SGSM2: variants seen among roughly 807,000 people sequenced by gnomAD.
The protein encoded by SGSM2 is RUN and TBC1 domain containing 1.
SGSM2 carries 89 observed loss-of-function variants against 126.6 expected under a neutral mutation model. The ratio of observed to expected loss-of-function variants is 0.70; its 90% CI spans 0.59 to 0.84. The LOEUF is 0.84. Ranked by LOEUF, SGSM2 falls within the 40% of genes least tolerant of loss-of-function variation. SGSM2 has a pLI of 0.00. For missense variants in SGSM2, 1,404 were observed against 1,416.6 expected (o/e 0.99, Z 0.14); for synonymous variants, 614 against 574.3 (o/e 1.07, Z -0.99).
At chr17:2,343,307 A>G (rs1346554372) in intron 1 of SGSM2, among the ~76,000 whole-genome samples, 2 of 152,118 alleles carry the variant, frequency 1.3e-5, no homozygotes, top group Non-Finnish European at 2.9e-5. Flanking sequence ...CTGGGCTGGA[A>G]CATGCACTGA....
chr17:2,347,043 T>G (rs2064627360), intron 2 of SGSM2, among the ~76,000 whole-genome samples: 1 of 152,122 alleles, frequency 6.6e-6, no homozygotes, highest in Non-Finnish European at 1.5e-5. Flanking sequence ...GAGCTATGAT[T>G]GCACCACTGC....
At chr17:2,338,738 A>G (rs35358644) in intron 1 of SGSM2, among the ~76,000 whole-genome samples, 195 of 144,550 alleles carry the variant, frequency 1.3e-3, no homozygotes, top group Middle Eastern at 3.5e-3. Context: ...TCTGGACCTA[A>G]TTCTGTGTGA....
intron 11 of SGSM2, among the ~76,000 whole-genome samples, chr17:2,365,558 A>C (rs2065529111): frequency 6.6e-6 from 1 of 152,026 alleles, no homozygotes; most frequent in African/African-American, 2.4e-5. Flanking sequence ...CCACTTCTCC[A>C]CGCCAGGACT....
chr17:2,357,744 C>A (rs2065140188), intron 2 of SGSM2, among the ~76,000 whole-genome samples: 1 of 152,174 alleles, frequency 6.6e-6, no homozygotes, highest in East Asian at 1.9e-4. Context: ...GTGATCCGCC[C>A]ACCTCGCCTC....
At chr17:2,353,246 C>T (rs1331276409) in intron 2 of SGSM2, among the ~76,000 whole-genome samples, 1 of 151,968 alleles carries the variant, frequency 6.6e-6, no homozygotes, top group African/African-American at 2.4e-5. Flanking sequence ...GGAAACCAAA[C>T]GATTCCACAG....
rs1010501709 is a variant in SGSM2 at position 2,362,893 on chromosome 17, G to A, written c.514G>A (p.Ala172Thr). Residue 172 changes from alanine to threonine, a missense_variant, in exon 5 of 24, where the codon GCC (alanine) becomes ACC (threonine). Coordinates refer to ENST00000268989, the MANE Select transcript of SGSM2 (RefSeq NM_014853.3). This position sits in a 1 kb window ranked among gnomAD's most constrained non-coding sequence, Gnocchi z 4.9. ...AGACCCTGTGTTCGGCCCGATCCTG[G>A]CCTCTCTTCTAGGTGAGCCTGAGAG... ...LADPVFGPIL[A>T]SLLVGPCALE... 2 of 1,614,072 alleles carry A rather than the reference G, an allele frequency of 1.2e-6. No homozygotes were observed. Among genetic ancestry groups the A allele is most frequent in the African/African-American group, 1.3e-5 (1 of 74,950 alleles).
rs144055505 is a variant in SGSM2 at position 2,362,114 on chromosome 17, C to T, written c.302C>T (p.Pro101Leu). The T allele has an allele frequency of 4.0e-5, 65 of 1,611,802 alleles. No homozygotes were observed. In the African/African-American group the frequency reaches 6.8e-4, roughly 17 times the overall value. Residue 101 changes from proline to leucine, a missense_variant, in exon 4 of 24, where the codon CCC becomes CTC. By Grantham distance (98) the Pro-to-Leu change is moderately conservative. Coordinates refer to ENST00000268989, the MANE Select transcript of SGSM2 (RefSeq NM_014853.3). This position sits in a 1 kb window ranked among gnomAD's most constrained non-coding sequence, Gnocchi z 4.9. ...AGCCCTCCCCGCCTTTGCAGGAAAC[C>T]CTCAGGGGTCAGCCAGGAGGCCCTG... The part of the protein sequence containing the change: ...ELQQQAEGRK[P>L]SGVSQEALRR...
chr17:2,376,356 C>G, intron 19 of SGSM2, 95 bp downstream of exon 19: 3 of 1,524,880 alleles, frequency 2.0e-6, no homozygotes, highest in Non-Finnish European at 2.7e-6. Context: ...CTCCTCTCTC[C>G]TGCTCCTGAA....
Position 2,363,331 on chromosome 17 carries a change from G to A in SGSM2, c.673-134G>A. The stretch of plus-strand genomic sequence containing the variant: ...GCTGGTCCGTGGCTGGAGAGCAGAG[G>A]GTGGCTGGGAGTAAACCGGGGCAGG... On this transcript the variant is annotated intron_variant, in intron 6 of 23. Coordinates refer to ENST00000268989, the MANE Select transcript of SGSM2 (RefSeq NM_014853.3). The surrounding 1 kb of genome is among the most constrained non-coding windows in gnomAD (Gnocchi z 4.2). 3 of 1,437,826 alleles carry A rather than the reference G, an allele frequency of 2.1e-6. No individual in the cohort carries two copies. The highest frequency in any genetic ancestry group is 1.9e-6 in the Non-Finnish European group (2 of 1,065,306). 89.1% of individuals were successfully genotyped at this position (1,437,826 alleles called of 1,614,324 possible). A position where few individuals can be genotyped will look rare whatever the true frequency, so the allele number is the denominator to read the frequency against.
chr17:2,373,121 A>C (rs2065956450), intron 16 of SGSM2, 40 bp downstream of exon 16: 5 of 1,607,400 alleles, frequency 3.1e-6, no homozygotes, highest in African/African-American at 1.3e-5. Flanking sequence ...TGAGATGGGG[A>C]GCTGGGCCAG....
At position 2,378,939 on chromosome 17, in the gene SGSM2, T is replaced by TCAGCCCCAGCCTCAATCC. The variant is rs1555608842; in HGVS notation, c.2900-91_2900-74dup. 3.2e-5 allele frequency: 40 copies of TCAGCCCCAGCCTCAATCC among 1,254,136 alleles called. No homozygotes were observed. In the Middle Eastern group the frequency reaches 6.4e-4, roughly 20 times the overall value. 77.7% of individuals were successfully genotyped at this position (1,254,136 alleles called of 1,614,324 possible). The stretch of plus-strand genomic sequence containing the variant: ...CCCAGCCCCAGCCTCAGCCTCAGCC[T>TCAGCCCCAGCCTCAATCC]CAGCCCCAGCCTCAATCCCAGCCTC... On this transcript the variant is annotated intron_variant, in intron 22 of 23. Transcript: ENST00000268989.
In SGSM2 at chr17:2,377,688, C is replaced by T. The variant is rs1597398885; in HGVS notation, c.2803-169C>T. ...GGCAGCAGGAGCAACCCACCCTCCA[C>T]AAGGAGATCCGAGGGGGAGAGAGTG... On this transcript the variant is annotated intron_variant, in intron 21 of 23. Coordinates refer to ENST00000268989, the MANE Select transcript of SGSM2 (RefSeq NM_014853.3). 1.2e-5 allele frequency: 6 copies of T among 516,520 alleles called. No individual in the cohort carries two copies. The East Asian group carries it at 1.3e-4, about 11-fold the overall frequency. The allele number at this position is 516,520 out of a possible 1,614,324, so 32.0% of individuals were successfully genotyped here. A position where few individuals can be genotyped will look rare whatever the true frequency, so the allele number is the denominator to read the frequency against.
chr17:2,351,818 G>T (rs965497238), intron 2 of SGSM2, among the ~76,000 whole-genome samples: 2 of 152,266 alleles, frequency 1.3e-5, no homozygotes, highest in South Asian at 4.2e-4. Flanking sequence ...CCTCAGGACA[G>T]TTCTTTATCC....
intron 1 of SGSM2, among the ~76,000 whole-genome samples, chr17:2,339,764 A>G (rs2151461588): frequency 6.6e-6 from 1 of 151,476 alleles, no homozygotes; most frequent in Admixed American, 6.6e-5. Flanking sequence ...TGCGTTAGCC[A>G]TGGCCTGGCT....
chr17:2,346,049 G>T (rs1256142854), intron 2 of SGSM2, among the ~76,000 whole-genome samples: 10 of 152,124 alleles, frequency 6.6e-5, no homozygotes, highest in Non-Finnish European at 1.3e-4. Flanking sequence ...ATTCTGATGT[G>T]CCAGTCTCCC....
rs1047936973 is a variant in SGSM2 at position 2,367,274 on chromosome 17, C to T, written c.1292C>T (p.Thr431Ile). 6.2e-7 allele frequency: 1 copy of T among 1,612,710 alleles called. No individual in the cohort carries two copies. The highest frequency in any genetic ancestry group is 8.5e-7 in the Non-Finnish European group (1 of 1,179,512). The change falls in exon 12 of 24, where the codon ACT (threonine) becomes ATT (isoleucine). Residue 431 changes from threonine (T) to isoleucine (I), a missense_variant. By Grantham distance (89) the Thr-to-Ile change is moderately conservative. Coordinates refer to ENST00000268989, the MANE Select transcript of SGSM2 (RefSeq NM_014853.3). This position sits in a 1 kb window ranked among gnomAD's most constrained non-coding sequence, Gnocchi z 4.0. ...TCTCGCTGTTCTCTTTGAGCAGTCACTATTAACTACCACCACCTAGCGGCC... is the reference window on the plus strand; with the variant it reads ...TCTCGCTGTTCTCTTTGAGCAGTCATTATTAACTACCACCACCTAGCGGCC... ...IYPGHRHEHI[T>I]INYHHLAASR...
At chr17:2,358,112 G>A (rs892789831) in intron 2 of SGSM2, among the ~76,000 whole-genome samples, 1 of 152,200 alleles carries the variant, frequency 6.6e-6, no homozygotes, top group Non-Finnish European at 1.5e-5. Context: ...CACCCTGGGA[G>A]GTGGGGTCAC....
chr17:2,350,218 G>A (rs1248318406), intron 2 of SGSM2, among the ~76,000 whole-genome samples: 1 of 151,766 alleles, frequency 6.6e-6, no homozygotes, highest in Non-Finnish European at 1.5e-5. Context: ...CACTGCATTT[G>A]GCCTAGAATG....
At chr17:2,338,940 T>C (rs2064217970) in intron 1 of SGSM2, among the ~76,000 whole-genome samples, 1 of 151,296 alleles carries the variant, frequency 6.6e-6, no homozygotes, top group Non-Finnish European at 1.5e-5. Context: ...GTGCCTGTAA[T>C]CCCAGCTACC....
Sources: gnomAD v4.1 joint callset for allele counts (sites outside exome capture counted in the v4.1 genomes callset) on GRCh38, gnomAD v4.1.1 for gene constraint, Gnocchi (gnomAD v3.1) non-coding constraint, MANE v1.5 for transcripts, NCBI Gene and HGNC (gene_info 2026-07-23, HGNC 2026-07-21) for gene names.